IFT140: variants seen among roughly 807,000 people sequenced by gnomAD.
IFT140 encodes the protein intraflagellar transport protein 140 homolog.
In IFT140, 133 loss-of-function variants were observed where a neutral mutation model predicts 164.6. The ratio of observed to expected loss-of-function variants is 0.81; its 90% confidence interval spans 0.70 to 0.93. IFT140 has a LOEUF of 0.93. Among genes scored for constraint, IFT140 ranks in the 40% least tolerant of loss-of-function variants. The probability of loss-of-function intolerance (pLI) is 0.00; values close to 1 mark genes in which losing one functional copy is unlikely to be tolerated. For missense variants in IFT140, 2,045 were observed against 1,972.3 expected (o/e 1.04, Z -0.70); for synonymous variants, 860 against 817.3 (o/e 1.05, Z -0.89).
intron 19 of IFT140, among the ~76,000 whole-genome samples, chr16:1,537,877 C>T (rs187566817): frequency 5.9e-5 from 9 of 152,304 alleles, no homozygotes; most frequent in East Asian, 1.9e-4. Context: ...ACGCATGCCC[C>T]GCCACACATC....
chr16:1,598,657 G>A (rs2035589063), intron 4 of IFT140, among the ~76,000 whole-genome samples: 1 of 152,260 alleles, frequency 6.6e-6, no homozygotes, highest in South Asian at 2.1e-4. Flanking sequence ...TGTGCACTAT[G>A]AGCCGGCCCA....
chr16:1,584,014 C>G (rs977235106), intron 11 of IFT140, among the ~76,000 whole-genome samples: 1 of 152,176 alleles, frequency 6.6e-6, no homozygotes, highest in Non-Finnish European at 1.5e-5. Flanking sequence ...GGATTACAGG[C>G]GTCAGCCACC....
chr16:1,528,082 G>A (rs1451752905), intron 19 of IFT140, among the ~76,000 whole-genome samples: 7 of 152,180 alleles, frequency 4.6e-5, no homozygotes, highest in African/African-American at 1.7e-4. Flanking sequence ...CTGGGCGGGA[G>A]GTGGGTCCAA....
At chr16:1,566,365 T>C in intron 15 of IFT140, 74 bp from the exon 16 acceptor site, 1 of 1,479,998 alleles carries the variant, frequency 6.8e-7, no homozygotes. Flanking sequence ...GCTAGGGGAC[T>C]GACACAGCAC....
rs960990014 is a variant in IFT140, at chr16:1,550,300, G to A, written c.2399+7635C>T. On this transcript the variant is annotated intron_variant, in intron 19 of 30. Coordinates refer to ENST00000426508, the MANE Select transcript of IFT140 (RefSeq NM_014714.4). ...AGCAGACAGATGCTCTGAGGCCTGAGCTCGTGTTTATGGCAAGCAACACAG... is the reference window on the plus strand; with the variant it reads ...AGCAGACAGATGCTCTGAGGCCTGAACTCGTGTTTATGGCAAGCAACACAG... Among the ~76,000 whole-genome samples, 3 of 152,202 alleles carry A rather than the reference G, an allele frequency of 2.0e-5. No homozygotes were observed. In the South Asian group the frequency reaches 6.2e-4, roughly 31 times the overall value.
intron 19 of IFT140, among the ~76,000 whole-genome samples, chr16:1,543,617 G>GGGTAATTT (rs1329036141): frequency 3.3e-5 from 5 of 152,216 alleles, no homozygotes; most frequent in Non-Finnish European, 7.3e-5. Context: ...ACTTCGAAAA[G>GGGTAATTT]GGTAATTTCT....
In IFT140 at chr16:1,526,007, C is replaced by T; in HGVS notation, c.2648G>A (p.Gly883Asp). ...DLLNKFYQAA[G>D]RWQEALQVAE... ...TACCTGGAGGGCCTCCTGCCACCGG[C>T]CCGCAGCCTGGTAGAACTTGTTCAG... Residue 883 changes from glycine (G) to aspartate (D), a missense_variant, in exon 21 of 31, where the codon GGC (glycine) becomes GAC (aspartate). Physicochemically the swap from Gly to Asp is moderately conservative, Grantham distance 94 (BLOSUM62 -1). Coordinates refer to ENST00000426508, the MANE Select transcript of IFT140 (RefSeq NM_014714.4). The T allele has an allele frequency of 6.2e-7, 1 of 1,600,858 alleles. No individual in the cohort carries two copies. The highest frequency in any genetic ancestry group is 2.3e-5 in the East Asian group (1 of 44,144).
In IFT140 at chr16:1,523,970, G is replaced by C; in HGVS notation, c.3142-14C>G. 1.2e-6 allele frequency: 2 copies of C among 1,609,366 alleles called. No homozygotes were observed. The highest frequency in any genetic ancestry group is 1.7e-6 in the Non-Finnish European group (2 of 1,179,510). ...CAGGCCGTTCTCCTGCAGGGAGGGA[G>C]GCAGGGCCCTGAAGCGGCTCCCACT... On this transcript the variant is annotated splice_polypyrimidine_tract_variant and intron_variant, in intron 24 of 30. Transcript: ENST00000426508.
At position 1,564,077 on chromosome 16, in the gene IFT140, A is replaced by T. The variant is rs750721192; in HGVS notation, c.1987T>A (p.Cys663Ser). ...WDQSEPRLFV[C>S]EAVQETPRSQ... ...CGCGGCGTCTCCTGCACGGCTTCGC[A>T]TACAAACAGCCGGGGCTCACTCTGG... The change falls in exon 17 of 31, where the codon TGC becomes AGC. Residue 663 changes from cysteine (C) to serine (S), a missense_variant. By Grantham distance (112) the Cys-to-Ser change is moderately radical (BLOSUM62 -1). Transcript: ENST00000426508. The surrounding 1 kb of genome is among the most constrained non-coding windows in gnomAD (Gnocchi z 5.5). The T allele has an allele frequency of 1.2e-6, 2 of 1,605,160 alleles. No individual in the cohort carries two copies. Among genetic ancestry groups the T allele is most frequent in the Non-Finnish European group, 1.7e-6 (2 of 1,173,068 alleles).
At chr16:1,536,184 A>G (rs955634219) in intron 19 of IFT140, among the ~76,000 whole-genome samples, 1 of 152,232 alleles carries the variant, frequency 6.6e-6, no homozygotes, top group Admixed American at 6.5e-5. Context: ...CAGGTGGCCC[A>G]GGCAGCCCAA....
chr16:1,556,885 C>T (rs530807700), intron 19 of IFT140, among the ~76,000 whole-genome samples: 34 of 152,322 alleles, frequency 2.2e-4, no homozygotes, highest in African/African-American at 7.7e-4. Context: ...TCTTGGCTCA[C>T]GGCAACCTCC....
chr16:1,514,779 C>G (rs1283415105), intron 30 of IFT140: 1 of 152,102 alleles, frequency 6.6e-6, no homozygotes, highest in African/African-American at 2.4e-5. Flanking sequence ...ACTCAAAAGG[C>G]AAGTAATGGA....
chr16:1,529,721 G>A (rs1211440514), intron 19 of IFT140, among the ~76,000 whole-genome samples: 1 of 152,176 alleles, frequency 6.6e-6, no homozygotes, highest in East Asian at 1.9e-4. Flanking sequence ...TTATGCTGAG[G>A]TCCTGGGTAA....
rs2040104476 is a variant in IFT140 at position 1,510,552 on chromosome 16, C to T, written c.*392G>A. On this transcript the variant is annotated 3_prime_UTR_variant, in exon 31 of 31. Coordinates refer to ENST00000426508, the MANE Select transcript of IFT140 (RefSeq NM_014714.4). The stretch of plus-strand genomic sequence containing the variant: ...TGTTGCTCAGGAGCCGTGGGCCCTG[C>T]AGGAGTATGGGGAGGATATGATGTG... The T allele has an allele frequency of 6.9e-6, 2 of 291,892 alleles. No individual in the cohort carries two copies. The highest frequency in any genetic ancestry group is 1.3e-5 in the Non-Finnish European group (2 of 154,520). The allele number at this position is 291,892 out of a possible 1,614,324, so 18.1% of individuals were successfully genotyped here. A position where few individuals can be genotyped will look rare whatever the true frequency, so the allele number is the denominator to read the frequency against.
chr16:1,542,325 C>T (rs1041007089), intron 19 of IFT140, among the ~76,000 whole-genome samples: 1 of 152,274 alleles, frequency 6.6e-6, no homozygotes, highest in African/African-American at 2.4e-5. Flanking sequence ...GTGTCTGTCA[C>T]ACCCTTTTCC....
chr16:1,510,845 G>T lies in IFT140; in HGVS notation c.*99C>A. Reference sequence around the variant, plus strand: ...CTGTCGCGTATTCCAACACAGACATGTTTTTTCCCAGCAAAAATGCTGGCT... The same window carrying T: ...CTGTCGCGTATTCCAACACAGACATTTTTTTTCCCAGCAAAAATGCTGGCT... On this transcript the variant is annotated 3_prime_UTR_variant, in exon 31 of 31. Coordinates refer to ENST00000426508, the MANE Select transcript of IFT140 (RefSeq NM_014714.4). The T allele has an allele frequency of 8.8e-7, 1 of 1,136,572 alleles. No homozygotes were observed. The highest frequency in any genetic ancestry group is 1.3e-6 in the Non-Finnish European group (1 of 777,960). The allele number at this position is 1,136,572 out of a possible 1,614,324, so 70.4% of individuals were successfully genotyped here. A position where few individuals can be genotyped will look rare whatever the true frequency, so the allele number is the denominator to read the frequency against.
chr16:1,553,762 G>T lies in IFT140; in HGVS notation c.2399+4173C>A, dbSNP rs1376357973. ...GGCTGTAGGGGATGAGGAGGGGCAG[G>T]GCCATGTGGACAGCCTCTCCTCCAT... On this transcript the variant is annotated intron_variant, in intron 19 of 30. Transcript: ENST00000426508. The surrounding 1 kb of genome is among the most constrained non-coding windows in gnomAD (Gnocchi z 4.4). 7.7e-6 allele frequency: 9 copies of T among 1,172,988 alleles called. No individual in the cohort carries two copies. Among genetic ancestry groups the T allele is most frequent in the Non-Finnish European group, 9.6e-6 (9 of 933,330 alleles). 72.7% of individuals were successfully genotyped at this position (1,172,988 alleles called of 1,614,324 possible).
In IFT140 at chr16:1,520,429, A is replaced by G. The variant is rs755835690; in HGVS notation, c.3661-86T>C. On this transcript the variant is annotated intron_variant, in intron 27 of 30. Coordinates refer to ENST00000426508, the MANE Select transcript of IFT140 (RefSeq NM_014714.4). ...ACCCCGAGCAGGAGCTCTCACAAGA[A>G]GAGTGGCTCAGGGCTGCCCGGTAGA... 134 of 1,458,052 alleles carry G rather than the reference A, an allele frequency of 9.2e-5. No homozygotes were observed. The South Asian group carries it at 1.5e-3, about 16-fold the overall frequency. The allele number at this position is 1,458,052 out of a possible 1,614,324, so 90.3% of individuals were successfully genotyped here. A position where few individuals can be genotyped will look rare whatever the true frequency, so the allele number is the denominator to read the frequency against.
chr16:1,572,417 C>A (rs951251487), intron 13 of IFT140, among the ~76,000 whole-genome samples: 3 of 152,200 alleles, frequency 2.0e-5, no homozygotes, highest in Non-Finnish European at 4.4e-5. Flanking sequence ...GAGGCCAAGG[C>A]GCGTGGATCA....
Sources: allele counts gnomAD v4.1 joint callset (sites outside exome capture counted in the v4.1 genomes callset), GRCh38; gene constraint gnomAD v4.1.1; non-coding constraint Gnocchi (gnomAD v3.1); transcripts MANE v1.5; gene names NCBI Gene and HGNC (gene_info 2026-07-23, HGNC 2026-07-21).